ADAT1: variants seen among roughly 807,000 people sequenced by gnomAD.
The protein encoded by ADAT1 is tRNA-specific adenosine deaminase 1.
ADAT1 carries 58 observed loss-of-function variants against 58.6 expected under a neutral mutation model. The ratio of observed to expected loss-of-function variants is 0.99; its 90% CI spans 0.80 to 1.23. ADAT1 has a LOEUF of 1.23. Among genes scored for constraint, ADAT1 ranks in the 50% most tolerant of loss-of-function variants. ADAT1 has a pLI of 0.00. For synonymous variants in ADAT1, 254 were observed against 220.8 expected, an observed-to-expected ratio of 1.15 and a Z score of -1.33; for missense variants, 741 against 608.6, an observed-to-expected ratio of 1.22 and a Z score of -2.29.
chr16:75,620,632 T>C lies in ADAT1; in HGVS notation c.168A>G (p.Gln56=). 3.1e-6 allele frequency: 5 copies of C among 1,612,758 alleles called. No homozygotes were observed. The highest frequency in any genetic ancestry group is 4.2e-6 in the Non-Finnish European group (5 of 1,179,894). ...CATGCCAAGAAGAAAAAGTCTCACCTTGCACCGGCTTATCAGGGGTGTCGC... is the reference window on the plus strand; with the variant it reads ...CATGCCAAGAAGAAAAAGTCTCACCCTGCACCGGCTTATCAGGGGTGTCGC... ...KACDTPDKPV[Q]VTKEVVSMGT... is the part of the protein sequence containing the mutation. The change falls in exon 2 of 10, where the codon CAA becomes CAG. Residue 56 remains glutamine (Q), a splice_region_variant and synonymous_variant. Transcript: ENST00000564657.
chr16:75,609,269 A>G (rs941572272), intron 6 of ADAT1, among the ~76,000 whole-genome samples: 29 of 152,234 alleles, frequency 1.9e-4, no homozygotes, highest in African/African-American at 7.0e-4. Context: ...AGAAACTTGA[A>G]AAGTTTAAGC....
At position 75,622,995 on chromosome 16, in the gene ADAT1, G is replaced by A. The variant is rs545275073; in HGVS notation, c.-614C>T. On this transcript the variant is annotated 5_prime_UTR_variant, in exon 1 of 10. Transcript: ENST00000564657. ...GTGCCAGGCAAGGCACTGAAGCCAT[G>A]CAGTGAGAACAGCGTGAGCGCCTGA... 6.6e-6 allele frequency: 1 copy of A among 152,376 alleles called. No homozygotes were observed. Among genetic ancestry groups the A allele is most frequent in the African/African-American group, 2.4e-5 (1 of 41,588 alleles). The allele number at this position is 152,376 out of a possible 1,614,324, so 9.4% of individuals were successfully genotyped here. A position where few individuals can be genotyped will look rare whatever the true frequency, so the allele number is the denominator to read the frequency against.
chr16:75,604,900 C>T (rs2081329699), intron 8 of ADAT1, among the ~76,000 whole-genome samples: 2 of 152,164 alleles, frequency 1.3e-5, no homozygotes, highest in Non-Finnish European at 2.9e-5. Flanking sequence ...CCTTGGACAA[C>T]ACAGGTTTGA....
chr16:75,611,262 A>G (rs114339560), intron 6 of ADAT1, among the ~76,000 whole-genome samples: 280 of 151,834 alleles, frequency 1.8e-3, no homozygotes, highest in African/African-American at 6.6e-3. Context: ...GAGATTATTA[A>G]TAATACCTTA....
At chr16:75,618,545 C>T (rs768973060) in intron 4 of ADAT1, 41 bp downstream of exon 4, 2 of 1,436,492 alleles carry the variant, frequency 1.4e-6, no homozygotes, top group Non-Finnish European at 1.9e-6. Context: ...GGGACTCCCA[C>T]CCCAGTCCTG....
At chr16:75,602,978 A>T in intron 9 of ADAT1, 107 bp downstream of exon 9, 1 of 936,986 alleles carries the variant, frequency 1.1e-6, no homozygotes, top group Non-Finnish European at 1.7e-6. Context: ...AATAAGTGCC[A>T]CTGGCTTGCT....
intron 5 of ADAT1, among the ~76,000 whole-genome samples, 164 bp from the exon 6 acceptor site, chr16:75,613,025 AC>A (rs948440792): frequency 6.6e-6 from 1 of 152,162 alleles, no homozygotes; most frequent in African/African-American, 2.4e-5. Flanking sequence ...TGTGTTTTTA[AC>A]AAGCTCTCCA....
At position 75,600,106 on chromosome 16, in the gene ADAT1, C is replaced by A; in HGVS notation, c.*110G>T. 6.5e-7 allele frequency: 1 copy of A among 1,541,520 alleles called. No individual in the cohort carries two copies. Among genetic ancestry groups the A allele is most frequent in the South Asian group, 1.3e-5 (1 of 78,836 alleles). On this transcript the variant is annotated 3_prime_UTR_variant, in exon 10 of 10. Transcript: ENST00000564657. ...TGTATTACACAACAGAGATGCAAAG[C>A]TCAGAAAGAATGTTCCCTGATTTAA...
In ADAT1 at chr16:75,618,603, G is replaced by A. The variant is rs1230305512; in HGVS notation, c.276C>T (p.Ala92=). 1 of 1,610,194 alleles carries A rather than the reference G, an allele frequency of 6.2e-7. No individual in the cohort carries two copies. Among genetic ancestry groups the A allele is most frequent in the Non-Finnish European group, 8.5e-7 (1 of 1,178,268 alleles). ...GGCTTTACCTTTGGAAACTCCTTCT[G>A]GCTATGACCTCAGCATGGCTATCAT... ...ILNDSHAEVI[A]RRSFQRYLLH... Residue 92 remains alanine (A), a synonymous_variant, in exon 4 of 10, where the codon GCC becomes GCT. Coordinates refer to ENST00000564657, the MANE Select transcript of ADAT1 (RefSeq NM_001324445.2).
At chr16:75,621,680 C>T (rs1035424114) in intron 1 of ADAT1, among the ~76,000 whole-genome samples, 2 of 151,984 alleles carry the variant, frequency 1.3e-5, no homozygotes, top group Non-Finnish European at 2.9e-5. Flanking sequence ...CCTTGAGCTA[C>T]CTGGTGGTGG....
At position 75,620,754 on chromosome 16, in the gene ADAT1, CAT is replaced by C. The variant is rs1567488276; in HGVS notation, c.44_45del (p.Tyr15TrpfsTer11). On this transcript the variant is annotated frameshift_variant, in exon 2 of 10. Coordinates refer to ENST00000564657, the MANE Select transcript of ADAT1 (RefSeq NM_001324445.2). LOFTEE classifies it high-confidence loss of function. The part of the protein sequence containing the change: ...DEIAQLCYEH[Y>X]GIRLPKKGKP... ...TTCCCCTTCTTGGGCAGCCTGATCC[CAT>C]AGTGTTCATAGCATAGCTGAGCAAT... 1 of 1,614,154 alleles carries C rather than the reference CAT, an allele frequency of 6.2e-7. No homozygotes were observed. The highest frequency in any genetic ancestry group is 8.5e-7 in the Non-Finnish European group (1 of 1,180,028).
Position 75,599,487 on chromosome 16 carries a change from A to G in ADAT1, c.*729T>C, listed in dbSNP as rs1372184308. ...GGAATCTGTCTCACATAATTGAGACATCTAAACAGTGTTACTAGATCTTTG... is the reference window on the plus strand; with the variant it reads ...GGAATCTGTCTCACATAATTGAGACGTCTAAACAGTGTTACTAGATCTTTG... On this transcript the variant is annotated 3_prime_UTR_variant, in exon 10 of 10. Coordinates refer to ENST00000564657, the MANE Select transcript of ADAT1 (RefSeq NM_001324445.2). 1 of 985,900 alleles carries G rather than the reference A, an allele frequency of 1.0e-6. No individual in the cohort carries two copies. The highest frequency in any genetic ancestry group is 1.2e-6 in the Non-Finnish European group (1 of 829,942). The allele number at this position is 985,900 out of a possible 1,614,324, so 61.1% of individuals were successfully genotyped here. A position where few individuals can be genotyped will look rare whatever the true frequency, so the allele number is the denominator to read the frequency against.
In ADAT1 at chr16:75,597,538, G is replaced by C. The variant is rs1344130587; in HGVS notation, c.*2678C>G. 5 of 334,706 alleles carry C rather than the reference G, an allele frequency of 1.5e-5. No individual in the cohort carries two copies. Among genetic ancestry groups the C allele is most frequent in the Admixed American group, 1.1e-4 (3 of 27,488 alleles). The allele number at this position is 334,706 out of a possible 1,614,324, so 20.7% of individuals were successfully genotyped here. ...TTTCCACAGATCCGGGGTGGGGATA[G>C]GGGGATAGTTTCGGGATGACTGAAG... is the stretch of plus-strand genomic sequence containing the variant. On this transcript the variant is annotated 3_prime_UTR_variant, in exon 10 of 10. Transcript: ENST00000564657.
intron 3 of ADAT1, among the ~76,000 whole-genome samples, chr16:75,620,021 G>A (rs781731174): frequency 1.3e-4 from 20 of 152,118 alleles, no homozygotes; most frequent in Admixed American, 4.6e-4. Context: ...CAGGGACTCT[G>A]TGGTTTGAGC....
chr16:75,618,177 C>G (rs1048043476), intron 4 of ADAT1, among the ~76,000 whole-genome samples: 1 of 146,908 alleles, frequency 6.8e-6, no homozygotes, highest in East Asian at 2.0e-4. Context: ...AGTTTACAGA[C>G]TAATATCATC....
At chr16:75,600,405 G>T (rs2081194708) in intron 9 of ADAT1, 57 bp from the exon 10 acceptor site, 4 of 1,597,062 alleles carry the variant, frequency 2.5e-6, no homozygotes, top group African/African-American at 1.3e-5. Flanking sequence ...CACCCCAGGG[G>T]CCACCAGACA....
In ADAT1 at chr16:75,599,737, G is replaced by C; in HGVS notation, c.*479C>G. 2 of 988,942 alleles carry C rather than the reference G, an allele frequency of 2.0e-6. No homozygotes were observed. The highest frequency in any genetic ancestry group is 2.4e-6 in the Non-Finnish European group (2 of 832,038). The allele number at this position is 988,942 out of a possible 1,614,324, so 61.3% of individuals were successfully genotyped here. ...TAAGGTTAGCTTCAGCCAAGTCTGA[G>C]GCACAGAGCAGGATCACTGAAGAAT... On this transcript the variant is annotated 3_prime_UTR_variant, in exon 10 of 10. Transcript: ENST00000564657.
At chr16:75,612,220 T>A in intron 6 of ADAT1, 23 bp downstream of exon 6, 1 of 1,605,464 alleles carries the variant, frequency 6.2e-7, no homozygotes, top group Non-Finnish European at 8.5e-7. Context: ...ACTGTTCCAA[T>A]TGAGCCCTCC....
In ADAT1 at chr16:75,622,812, A is replaced by G. The variant is rs1312869635; in HGVS notation, c.-431T>C. On this transcript the variant is annotated 5_prime_UTR_variant, in exon 1 of 10. Transcript: ENST00000564657. The stretch of plus-strand genomic sequence containing the variant: ...CTGACGTCCTTTCCAAAGAAAAGGA[A>G]GTCGGCTGCCAGGGGAGAAAAGGCT... The G allele has an allele frequency of 6.6e-6, 1 of 152,254 alleles. No homozygotes were observed. The highest frequency in any genetic ancestry group is 6.5e-5 in the Admixed American group (1 of 15,284). 9.4% of individuals were successfully genotyped at this position (152,254 alleles called of 1,614,324 possible).
Sources: gnomAD v4.1 joint callset for allele counts (sites outside exome capture counted in the v4.1 genomes callset) on GRCh38, gnomAD v4.1.1 for gene constraint, MANE v1.5 for transcripts, NCBI Gene and HGNC (gene_info 2026-07-23, HGNC 2026-07-21) for gene names.